DNAH10: variants seen among roughly 807,000 people sequenced by gnomAD.
DNAH10 encodes the protein axonemal beta dynein heavy chain 10.
In DNAH10, 348 loss-of-function variants were observed where a neutral mutation model predicts 506.6. The observed-to-expected ratio is 0.69, with a 90% confidence interval of 0.63 to 0.75. The LOEUF (loss-of-function observed/expected upper bound fraction) is 0.75. DNAH10 is among the 30% of genes least tolerant of loss of function. DNAH10 has a pLI of 0.00. For synonymous variants in DNAH10, 2,059 were observed against 2,198.6 expected (o/e 0.94, Z 1.78); for missense variants, 5,179 against 5,787.1 (o/e 0.89, Z 3.41).
intron 51 of DNAH10, among the ~76,000 whole-genome samples, chr12:123,883,450 A>G (rs1273952099): frequency 6.6e-6 from 1 of 152,152 alleles, no homozygotes; most frequent in Admixed American, 6.5e-5. Flanking sequence ...TTGAGATGTA[A>G]TTTGAAGAAG....
intron 18 of DNAH10, among the ~76,000 whole-genome samples, chr12:123,807,713 G>T (rs1342580324): frequency 6.6e-6 from 1 of 151,270 alleles, no homozygotes; most frequent in Non-Finnish European, 1.5e-5. Context: ...GGCTGCTGGA[G>T]TGTTTTCAAC....
rs777745235 is a variant in DNAH10, at chr12:123,916,709, G to A, written c.10975G>A (p.Gly3659Arg). 2 of 1,612,944 alleles carry A rather than the reference G, an allele frequency of 1.2e-6. No individual in the cohort carries two copies. Among genetic ancestry groups the A allele is most frequent in the East Asian group, 2.2e-5 (1 of 44,886 alleles). The change falls in exon 63 of 79, where the codon GGG becomes AGG. Residue 3659 changes from glycine (G) to arginine (R), a missense_variant. By Grantham distance (125) the Gly-to-Arg change is moderately radical. Coordinates refer to ENST00000673944, the MANE Select transcript of DNAH10 (RefSeq NM_001372106.1). The surrounding 1 kb of genome is among the most constrained non-coding windows in gnomAD (Gnocchi z 4.6). ...TCCCAGATATTCCCCATCCGTGTTTGGGAAAGCTATGGTGATCAATTACAC... is the reference window on the plus strand; with the variant it reads ...TCCCAGATATTCCCCATCCGTGTTTAGGAAAGCTATGGTGATCAATTACAC... ...ANPRYSPSVF[G>R]KAMVINYTVT...
At position 123,918,950 on chromosome 12, in the gene DNAH10, G is replaced by C. The variant is rs769721941; in HGVS notation, c.11506+1G>C. On this transcript the variant is annotated splice_donor_variant, in intron 65 of 78. Transcript: ENST00000673944. LOFTEE classifies it high-confidence loss of function. ...AGCATCTATAACCACGGCTGCACAG[G>C]TGAGCTCTCCCCACAGAGGAGGACA... is the stretch of plus-strand genomic sequence containing the variant. The C allele has an allele frequency of 3.7e-5, 60 of 1,606,430 alleles. No individual in the cohort carries two copies. Among genetic ancestry groups the C allele is most frequent in the Admixed American group, 1.3e-4 (8 of 59,764 alleles).
At chr12:123,827,502 C>T (rs1201518108) in intron 25 of DNAH10, among the ~76,000 whole-genome samples, 1 of 152,192 alleles carries the variant, frequency 6.6e-6, no homozygotes, top group Non-Finnish European at 1.5e-5. Flanking sequence ...GATGGGATAG[C>T]CAGCCCTGTG....
At chr12:123,889,856 C>G (rs1171324569) in intron 52 of DNAH10, among the ~76,000 whole-genome samples, 1 of 152,176 alleles carries the variant, frequency 6.6e-6, no homozygotes, top group Non-Finnish European at 1.5e-5. Context: ...CTCTGTTTCC[C>G]TGTCTCTTCC....
In DNAH10 at chr12:123,893,440, C is replaced by T. The variant is rs767670557; in HGVS notation, c.9199+4C>T. On this transcript the variant is annotated splice_donor_region_variant and intron_variant, in intron 53 of 78. Transcript: ENST00000673944. ...ACCTGGTGCAGAAACTTCCCAGGTACCCGCGGTGGAGCCTGTGAACCCATT... is the reference window on the plus strand; with the variant it reads ...ACCTGGTGCAGAAACTTCCCAGGTATCCGCGGTGGAGCCTGTGAACCCATT... 5 of 1,612,200 alleles carry T rather than the reference C, an allele frequency of 3.1e-6. No individual in the cohort carries two copies. Among genetic ancestry groups the T allele is most frequent in the South Asian group, 2.2e-5 (2 of 91,010 alleles).
chr12:123,855,972 T>C (rs1253912894), intron 36 of DNAH10, among the ~76,000 whole-genome samples: 1 of 149,454 alleles, frequency 6.7e-6, no homozygotes, highest in Admixed American at 6.7e-5. Context: ...TTTACATTTT[T>C]ATTTTCATAT....
Position 123,926,446 on chromosome 12 carries a change from G to C in DNAH10, c.11922-191G>C, listed in dbSNP as rs1954946695. On this transcript the variant is annotated intron_variant, in intron 68 of 78. Transcript: ENST00000673944. This position sits in a 1 kb window ranked among gnomAD's most constrained non-coding sequence, Gnocchi z 4.1. The stretch of plus-strand genomic sequence containing the variant: ...GGTACAGAGAAGTCCCTGCCACTCA[G>C]GAGTTCCCCATCAGGGTGGGAGACG... The C allele has an allele frequency of 1.3e-5, 8 of 596,598 alleles. No individual in the cohort carries two copies. Among genetic ancestry groups the C allele is most frequent in the Non-Finnish European group, 2.3e-5 (8 of 355,206 alleles). The allele number at this position is 596,598 out of a possible 1,614,324, so 37.0% of individuals were successfully genotyped here.
In DNAH10 at chr12:123,767,707, G is replaced by A; in HGVS notation, c.298+18G>A. On this transcript the variant is annotated intron_variant, in intron 2 of 78. Coordinates refer to ENST00000673944, the MANE Select transcript of DNAH10 (RefSeq NM_001372106.1). ...AGTGCGAGGTGTGGAGTTGGGAGGG[G>A]TCATGGGAGGGTGGAACTGAGAAAG... 3.1e-6 allele frequency: 5 copies of A among 1,603,460 alleles called. No individual in the cohort carries two copies. The highest frequency in any genetic ancestry group is 4.3e-6 in the Non-Finnish European group (5 of 1,174,386).
chr12:123,907,206 C>T lies in DNAH10; in HGVS notation c.9816-2055C>T, dbSNP rs925559330. Among the ~76,000 whole-genome samples the T allele has an allele frequency of 6.6e-5, 10 of 152,166 alleles. No homozygotes were observed. The highest frequency in any genetic ancestry group is 2.4e-4 in the African/African-American group (10 of 41,436). On this transcript the variant is annotated intron_variant, in intron 57 of 78. Coordinates refer to ENST00000673944, the MANE Select transcript of DNAH10 (RefSeq NM_001372106.1). This position sits in a 1 kb window ranked among gnomAD's most constrained non-coding sequence, Gnocchi z 4.4. ...CTGACAGTGGATGTTGGGACCTGAC[C>T]TAGTCATGGTCATGGAGGGCGGAGG...
Position 123,800,393 on chromosome 12 carries a change from A to T in DNAH10, c.2462+5A>T. The T allele has an allele frequency of 6.2e-7, 1 of 1,610,194 alleles. No individual in the cohort carries two copies. Among genetic ancestry groups the T allele is most frequent in the Non-Finnish European group, 8.5e-7 (1 of 1,179,052 alleles). ...CCAGGAAGACAAATTCCTTAGGTAA[A>T]AAAATTCTTCTTTTAAATTAGCAGT... On this transcript the variant is annotated splice_donor_5th_base_variant and intron_variant, in intron 15 of 78. Transcript: ENST00000673944.
chr12:123,775,026 T>C (rs1385455675), intron 5 of DNAH10, among the ~76,000 whole-genome samples: 1 of 152,192 alleles, frequency 6.6e-6, no homozygotes, highest in African/African-American at 2.4e-5. Flanking sequence ...TAAACCCTGA[T>C]ATGAGACAGA....
chr12:123,932,211 T>C, intron 76 of DNAH10, 103 bp downstream of exon 76: 3 of 1,386,644 alleles, frequency 2.2e-6, no homozygotes, highest in Non-Finnish European at 3.0e-6. Flanking sequence ...CAGTAACCTC[T>C]GTTAAAGTTT....
chr12:123,897,706 C>T, intron 54 of DNAH10, 64 bp from the exon 55 acceptor site: 1 of 1,554,264 alleles, frequency 6.4e-7, no homozygotes, highest in Middle Eastern at 1.8e-4. Flanking sequence ...GCCTGGGCAA[C>T]AGAGTGAGAC....
intron 54 of DNAH10, among the ~76,000 whole-genome samples, chr12:123,896,111 TCACA>T (rs112187635): frequency 0.017 from 824 of 48,902 alleles, 13 homozygotes; most frequent in Admixed American, 0.031. Context: ...AGACTTTATC[TCACA>T]CACACACACA....
chr12:123,930,670 T>C lies in DNAH10; in HGVS notation c.12784+97T>C. Reference sequence around the variant, plus strand: ...CCTCTCCTGGTGGGGGCTCCTCGGCTGGTCAGGTGTGGTCTGTTAAGCCTG... The same window carrying C: ...CCTCTCCTGGTGGGGGCTCCTCGGCCGGTCAGGTGTGGTCTGTTAAGCCTG... On this transcript the variant is annotated intron_variant, in intron 73 of 78. Transcript: ENST00000673944. The C allele has an allele frequency of 2.2e-6, 3 of 1,370,472 alleles. No individual in the cohort carries two copies. The South Asian group carries it at 4.2e-5, about 19-fold the overall frequency. 84.9% of individuals were successfully genotyped at this position (1,370,472 alleles called of 1,614,324 possible).
At position 123,850,992 on chromosome 12, in the gene DNAH10, G is replaced by C; in HGVS notation, c.6207G>C (p.Leu2069=). ...RTELPESVKA[L]FRPVVVIVPD... ...AGCTGCCCGAGTCGGTGAAGGCGCT[G>C]TTCAGGCCTGTGGTCGTGATCGTGC... Residue 2069 remains leucine, a synonymous_variant, in exon 35 of 79, where the codon CTG becomes CTC. Coordinates refer to ENST00000673944, the MANE Select transcript of DNAH10 (RefSeq NM_001372106.1). This position sits in a 1 kb window ranked among gnomAD's most constrained non-coding sequence, Gnocchi z 5.5. 6.2e-7 allele frequency: 1 copy of C among 1,614,070 alleles called. No homozygotes were observed. Among genetic ancestry groups the C allele is most frequent in the South Asian group, 1.1e-5 (1 of 91,076 alleles).
At chr12:123,881,534 G>A in intron 50 of DNAH10, 91 bp from the exon 51 acceptor site, 1 of 1,276,744 alleles carries the variant, frequency 7.8e-7, no homozygotes, top group South Asian at 1.6e-5. Flanking sequence ...TAAGTTCTTT[G>A]TAGATTCTGG....
chr12:123,798,356 G>A (rs576949835), intron 13 of DNAH10, among the ~76,000 whole-genome samples: 1 of 152,372 alleles, frequency 6.6e-6, no homozygotes, highest in Admixed American at 6.5e-5. Context: ...AAGGCAAAGT[G>A]GGGGCAGGTA....
Sources: gnomAD v4.1 joint callset for allele counts (sites outside exome capture counted in the v4.1 genomes callset) on GRCh38, gnomAD v4.1.1 for gene constraint, Gnocchi (gnomAD v3.1) non-coding constraint, MANE v1.5 for transcripts, NCBI Gene and HGNC (gene_info 2026-07-23, HGNC 2026-07-21) for gene names.